The following SEMA5B variants were observed in gnomAD, a reference collection of about 807,000 sequenced individuals.
SEMA5B encodes the protein semaphorin-5B.
Under a neutral mutation model 135.0 loss-of-function variants are expected in SEMA5B, and 66 were observed. That is an observed-to-expected ratio of 0.49 (90% CI 0.40 to 0.60). The LOEUF is 0.60. Among genes scored for constraint, SEMA5B ranks in the 20% least tolerant of loss-of-function variants. The probability of loss-of-function intolerance (pLI) is 0.00; values close to 1 mark genes in which losing one functional copy is unlikely to be tolerated. For synonymous variants in SEMA5B, 690 were observed against 639.5 expected, an observed-to-expected ratio of 1.08 and a Z score of -1.19; for missense variants, 1,501 against 1,566.3, an observed-to-expected ratio of 0.96 and a Z score of 0.70.
At chr3:123,010,364 T>C (rs1942410942) in intron 1 of SEMA5B, among the ~76,000 whole-genome samples, 1 of 152,172 alleles carries the variant, frequency 6.6e-6, no homozygotes, top group African/African-American at 2.4e-5. Flanking sequence ...AGTACCAAAC[T>C]CAGAACTTAG....
chr3:123,009,373 C>T (rs1405513254), intron 1 of SEMA5B, among the ~76,000 whole-genome samples: 1 of 152,092 alleles, frequency 6.6e-6, no homozygotes, highest in Non-Finnish European at 1.5e-5. Context: ...ATTATCTAAG[C>T]TTCTTCTGTG....
At chr3:122,997,004 C>T (rs1231937858) in intron 1 of SEMA5B, among the ~76,000 whole-genome samples, 2 of 152,328 alleles carry the variant, frequency 1.3e-5, no homozygotes, top group African/African-American at 4.8e-5. Context: ...GTGTCCACAC[C>T]CCAGGGAAGG....
At chr3:122,955,034 T>C (rs1409881918) in intron 2 of SEMA5B, among the ~76,000 whole-genome samples, 2 of 151,532 alleles carry the variant, frequency 1.3e-5, no homozygotes, top group African/African-American at 4.9e-5. Flanking sequence ...ACTCCTGGAC[T>C]CAAGCTATCC....
Position 122,913,222 on chromosome 3 carries a change from C to A in SEMA5B, c.2483G>T (p.Gly828Val), listed in dbSNP as rs1477504155. 6 of 1,577,010 alleles carry A rather than the reference C, an allele frequency of 3.8e-6. No homozygotes were observed. The highest frequency in any genetic ancestry group is 5.1e-6 in the Non-Finnish European group (6 of 1,171,218). The change falls in exon 17 of 23, where the codon GGC becomes GTC. Residue 828 changes from glycine to valine, a missense_variant. This residue lies in a region of SEMA5B where 927 missense variants were observed against 881.6 expected (regional missense o/e 1.05). Coordinates refer to ENST00000357599, the MANE Select transcript of SEMA5B (RefSeq NM_001031702.4). ...ACCGTCGGTGTCGCAGGAGCCGGAG[C>A]CGTCCGCGGGACAGGTCCTCGTCTC... ...RTETRTCPAD[G>V]SGSCDTDALV...
intron 1 of SEMA5B, among the ~76,000 whole-genome samples, chr3:122,990,273 G>A (rs979320126): frequency 6.6e-6 from 1 of 152,118 alleles, no homozygotes; most frequent in Non-Finnish European, 1.5e-5. Context: ...ACAAGTTTCT[G>A]CAGAGTCAAT....
rs538014168 is a variant in SEMA5B at position 122,911,569 on chromosome 3, C to A, written c.3047-34G>T. 5 of 1,597,704 alleles carry A rather than the reference C, an allele frequency of 3.1e-6. No homozygotes were observed. In the African/African-American group the frequency reaches 5.3e-5, roughly 17 times the overall value. On this transcript the variant is annotated intron_variant, in intron 20 of 22. Coordinates refer to ENST00000357599, the MANE Select transcript of SEMA5B (RefSeq NM_001031702.4). The stretch of plus-strand genomic sequence containing the variant: ...AGACCAGTGGACAGGGTGTCAGGGG[C>A]GGAGACGAGAGGAGGGGGGCCCTGC...
At chr3:122,939,329 A>G in intron 5 of SEMA5B, 96 bp downstream of exon 5, 1 of 969,264 alleles carries the variant, frequency 1.0e-6, no homozygotes, top group Non-Finnish European at 1.7e-6. Flanking sequence ...TTTCAACTTT[A>G]GGGGCTGAAT....
At chr3:122,983,055 G>A (rs1941573220) in intron 1 of SEMA5B, among the ~76,000 whole-genome samples, 2 of 151,990 alleles carry the variant, frequency 1.3e-5, no homozygotes, top group Non-Finnish European at 2.9e-5. Context: ...GGCCAGGCAG[G>A]GCGGCTGCGG....
intron 1 of SEMA5B, among the ~76,000 whole-genome samples, chr3:122,966,004 C>G (rs1940800868): frequency 6.6e-6 from 1 of 152,164 alleles, no homozygotes; most frequent in Non-Finnish European, 1.5e-5. Flanking sequence ...GCACAGGTGG[C>G]CCAGCGACAA....
At chr3:122,926,889 C>T (rs893475095) in intron 8 of SEMA5B, among the ~76,000 whole-genome samples, 1 of 152,228 alleles carries the variant, frequency 6.6e-6, no homozygotes, top group African/African-American at 2.4e-5. Flanking sequence ...CCGCCCACCT[C>T]TCACTGGGTG....
intron 1 of SEMA5B, among the ~76,000 whole-genome samples, chr3:122,986,593 TTGTGTGTGTGTG>T (rs145873533): frequency 6.9e-6 from 1 of 144,282 alleles, no homozygotes; most frequent in Admixed American, 7.0e-5. Flanking sequence ...CAGAGCATAT[TTGTGTGTGTGTG>T]TGTGTGTGTG....
chr3:122,994,046 C>T (rs565046207), intron 1 of SEMA5B, among the ~76,000 whole-genome samples: 13 of 152,210 alleles, frequency 8.5e-5, no homozygotes, highest in African/African-American at 3.1e-4. Flanking sequence ...CACCAGGCTT[C>T]CTGCGGGTCC....
At chr3:123,000,423 G>A (rs1268836672) in intron 1 of SEMA5B, among the ~76,000 whole-genome samples, 2 of 152,150 alleles carry the variant, frequency 1.3e-5, no homozygotes, top group Non-Finnish European at 2.9e-5. Context: ...TCAACCTGAG[G>A]CCAAAGGGGT....
intron 1 of SEMA5B, among the ~76,000 whole-genome samples, chr3:122,991,870 A>G (rs369844077): frequency 1.2e-3 from 183 of 152,330 alleles, no homozygotes; most frequent in African/African-American, 4.3e-3. Flanking sequence ...CAAAGACCAT[A>G]CTATCACAAA....
intron 1 of SEMA5B, among the ~76,000 whole-genome samples, chr3:122,986,698 G>GAC (rs372930512): frequency 3.0e-4 from 45 of 150,180 alleles, no homozygotes; most frequent in Admixed American, 8.6e-4. Flanking sequence ...CACACACACA[G>GAC]ACACACACAC....
rs190607162 is a variant in SEMA5B, at chr3:123,017,413, C to G, written c.-39+10051G>C. 5.3e-3 allele frequency among the ~76,000 whole-genome samples: 801 copies of G among 152,266 alleles called. 7 individuals carry two copies. Among genetic ancestry groups the G allele is most frequent in the South Asian group, 0.029 (139 of 4,818 alleles). On this transcript the variant is annotated intron_variant, in intron 1 of 22. Transcript: ENST00000357599. Reference sequence around the variant, plus strand: ...AAAACTCACAACCAAAAAGCAGCCACGCTGTGTTTGAAGCCAAGTCTGTCT... The same window carrying G: ...AAAACTCACAACCAAAAAGCAGCCAGGCTGTGTTTGAAGCCAAGTCTGTCT...
At chr3:122,982,306 A>T (rs1310271990) in intron 1 of SEMA5B, among the ~76,000 whole-genome samples, 1 of 152,240 alleles carries the variant, frequency 6.6e-6, no homozygotes, top group Admixed American at 6.5e-5. Context: ...TCACAAAATC[A>T]GGAAATGTGG....
rs899186676 is a variant in SEMA5B, at chr3:122,956,710, G to T, written c.124+4430C>A. On this transcript the variant is annotated intron_variant, in intron 2 of 22. Coordinates refer to ENST00000357599, the MANE Select transcript of SEMA5B (RefSeq NM_001031702.4). Reference sequence around the variant, plus strand: ...AGGGGATCGCCCAGACCACCCCGGGGTGGGTAGCAGCTGAGTTGCTGGTAC... The same window carrying T: ...AGGGGATCGCCCAGACCACCCCGGGTTGGGTAGCAGCTGAGTTGCTGGTAC... 1.3e-5 allele frequency among the ~76,000 whole-genome samples: 2 copies of T among 152,116 alleles called. 1 individual carries two copies. The highest frequency in any genetic ancestry group is 2.9e-5 in the Non-Finnish European group (2 of 68,016).
intron 1 of SEMA5B, among the ~76,000 whole-genome samples, chr3:122,969,131 T>C (rs1216774285): frequency 6.6e-6 from 1 of 152,250 alleles, no homozygotes; most frequent in East Asian, 1.9e-4. Context: ...CCTCACCATA[T>C]GGCTATAAAA....
Sources: gnomAD v4.1 joint callset for allele counts (sites outside exome capture counted in the v4.1 genomes callset) on GRCh38, gnomAD v4.1.1 for gene constraint, gnomAD v4.1.1 regional missense constraint, MANE v1.5 for transcripts, NCBI Gene and HGNC (gene_info 2026-07-23, HGNC 2026-07-21) for gene names.